Variants in TTLL11 observed in about 807,000 individuals in gnomAD.
The protein encoded by TTLL11 is tubulin polyglutamylase TTLL11.
A neutral mutation model predicts 51.7 loss-of-function variants in TTLL11; 42 were observed. The observed-to-expected ratio is 0.81, with a 90% CI of 0.64 to 1.05. The LOEUF is 1.05. TTLL11 is among the 50% of genes least tolerant of loss of function. The pLI is 0.00. For missense variants in TTLL11, 799 were observed against 940.4 expected (o/e 0.85, Z 1.97); for synonymous variants, 381 against 383.5 (o/e 0.99, Z 0.08).
chr9:122,000,805 T>C (rs1276072186), intron 3 of TTLL11, among the ~76,000 whole-genome samples: 1 of 152,218 alleles, frequency 6.6e-6, no homozygotes, highest in African/African-American at 2.4e-5. Flanking sequence ...GCATCCACTT[T>C]ACTTTACGGA....
intron 8 of TTLL11, among the ~76,000 whole-genome samples, chr9:121,837,657 C>T (rs974146339): frequency 6.6e-6 from 1 of 152,136 alleles, no homozygotes; most frequent in Non-Finnish European, 1.5e-5. Context: ...GGTTGAAAAG[C>T]CTGCCTTCCT....
At chr9:121,872,076 G>A (rs188370640) in intron 6 of TTLL11, among the ~76,000 whole-genome samples, 6 of 152,210 alleles carry the variant, frequency 3.9e-5, no homozygotes, top group African/African-American at 7.2e-5. Context: ...GTACTGAGAC[G>A]TGCTGCTGTT....
At chr9:121,859,261 C>A (rs1588075439) in intron 8 of TTLL11, among the ~76,000 whole-genome samples, 1 of 151,616 alleles carries the variant, frequency 6.6e-6, no homozygotes, top group East Asian at 1.9e-4. Flanking sequence ...GAAGTCAAGA[C>A]AGGCGGATCA....
chr9:121,878,636 A>G (rs1838658942), intron 6 of TTLL11, among the ~76,000 whole-genome samples: 1 of 152,148 alleles, frequency 6.6e-6, no homozygotes, highest in South Asian at 2.1e-4. Context: ...AACTCATGCT[A>G]TTTCAGAGCT....
intron 6 of TTLL11, among the ~76,000 whole-genome samples, chr9:121,932,928 GA>G: frequency 6.6e-6 from 1 of 152,202 alleles, no homozygotes; most frequent in East Asian, 1.9e-4. Context: ...TCCTGAGCAG[GA>G]AAAAACCACA....
intron 3 of TTLL11, among the ~76,000 whole-genome samples, chr9:122,006,431 A>G (rs892346296): frequency 6.6e-6 from 1 of 151,978 alleles, no homozygotes; most frequent in Non-Finnish European, 1.5e-5. Flanking sequence ...TTTCAGAAAC[A>G]TCACATCACT....
intron 4 of TTLL11, among the ~76,000 whole-genome samples, chr9:121,987,555 C>T (rs16911189): frequency 0.016 from 2,433 of 152,258 alleles, 47 homozygotes; most frequent in African/African-American, 0.055. Flanking sequence ...CTGGCTCCAT[C>T]GCTCTGCTGA....
intron 8 of TTLL11, among the ~76,000 whole-genome samples, chr9:121,858,758 G>A (rs1192827396): frequency 6.6e-6 from 1 of 152,250 alleles, no homozygotes; most frequent in Non-Finnish European, 1.5e-5. Context: ...CCACCCTGGA[G>A]AGCAGGGATT....
At chr9:121,899,396 T>TACATATAC (rs1564295513) in intron 6 of TTLL11, among the ~76,000 whole-genome samples, 4 of 139,452 alleles carry the variant, frequency 2.9e-5, no homozygotes, top group Non-Finnish European at 4.7e-5. Context: ...TATATATATA[T>TACATATAC]ATATATACAC....
Position 121,989,064 on chromosome 9 carries a change from G to C in TTLL11, c.1269+131C>G. On this transcript the variant is annotated intron_variant, in intron 4 of 8. Coordinates refer to ENST00000321582, the MANE Select transcript of TTLL11 (RefSeq NM_001139442.2). This position sits in a 1 kb window ranked among gnomAD's most constrained non-coding sequence, Gnocchi z 4.2. ...AGTTGGGCCCAGGTTTAACACCCAA[G>C]CCCACAGCACCACCAACACTGTCCC... 1 of 1,510,844 alleles carries C rather than the reference G, an allele frequency of 6.6e-7. No individual in the cohort carries two copies. The highest frequency in any genetic ancestry group is 8.8e-7 in the Non-Finnish European group (1 of 1,129,946). 93.6% of individuals were successfully genotyped at this position (1,510,844 alleles called of 1,614,324 possible).
intron 6 of TTLL11, among the ~76,000 whole-genome samples, chr9:121,949,205 C>T (rs1588147347): frequency 6.6e-6 from 1 of 152,100 alleles, no homozygotes; most frequent in African/African-American, 2.4e-5. Flanking sequence ...ATAGTTAATC[C>T]CTCCCTCATC....
intron 8 of TTLL11, among the ~76,000 whole-genome samples, chr9:121,829,686 C>G (rs557986245): frequency 3.2e-4 from 48 of 151,488 alleles, no homozygotes; most frequent in Non-Finnish European, 5.9e-4. Flanking sequence ...GAAGGCAGTG[C>G]TAGACTTATA....
intron 6 of TTLL11, among the ~76,000 whole-genome samples, chr9:121,945,091 G>A (rs948054486): frequency 2.0e-5 from 3 of 152,152 alleles, no homozygotes; most frequent in Non-Finnish European, 4.4e-5. Context: ...ATTAGAAACT[G>A]GTGCTCCCTA....
At chr9:121,876,339 CT>C (rs529953731) in intron 6 of TTLL11, among the ~76,000 whole-genome samples, 10 of 152,234 alleles carry the variant, frequency 6.6e-5, no homozygotes, top group Admixed American at 2.6e-4. Flanking sequence ...TAATTTCCAT[CT>C]CTAGTTAAAC....
chr9:121,885,089 C>T (rs934547013), intron 6 of TTLL11: 2 of 152,208 alleles, frequency 1.3e-5, no homozygotes, highest in Admixed American at 6.5e-5. Context: ...CACTCTTAGT[C>T]CTCGTGTAGC....
intron 6 of TTLL11, among the ~76,000 whole-genome samples, chr9:121,970,579 C>T (rs1842520458): frequency 6.6e-6 from 1 of 152,094 alleles, no homozygotes; most frequent in African/African-American, 2.4e-5. Flanking sequence ...ATTTACGCAT[C>T]CAACAAAGAT....
intron 6 of TTLL11, among the ~76,000 whole-genome samples, chr9:121,877,693 C>T (rs991018742): frequency 3.3e-5 from 5 of 152,202 alleles, no homozygotes; most frequent in Non-Finnish European, 5.9e-5. Context: ...GTGCCAGGAA[C>T]TGCAATTTAA....
Position 121,836,679 on chromosome 9 carries a change from C to G in TTLL11, c.1841-13800G>C, listed in dbSNP as rs571093220. The stretch of plus-strand genomic sequence containing the variant: ...ATGTGCAGATTCACAGATGGGCAAG[C>G]CTCCTCTGATGCAGGGCAGGGAGAA... On this transcript the variant is annotated intron_variant, in intron 8 of 8. Coordinates refer to ENST00000321582, the MANE Select transcript of TTLL11 (RefSeq NM_001139442.2). Among the ~76,000 whole-genome samples, 14 of 152,320 alleles carry G rather than the reference C, an allele frequency of 9.2e-5. No homozygotes were observed. In the South Asian group the frequency reaches 2.9e-3, roughly 32 times the overall value.
intron 6 of TTLL11, among the ~76,000 whole-genome samples, chr9:121,940,340 TCTC>T: frequency 1.5e-5 from 2 of 135,716 alleles, no homozygotes; most frequent in South Asian, 2.3e-4. Context: ...TATAACTTTC[TCTC>T]TTTTTTTTTT....
Sources: gnomAD v4.1 joint callset for allele counts (sites outside exome capture counted in the v4.1 genomes callset) on GRCh38, gnomAD v4.1.1 for gene constraint, Gnocchi (gnomAD v3.1) non-coding constraint, MANE v1.5 for transcripts, NCBI Gene and HGNC (gene_info 2026-07-23, HGNC 2026-07-21) for gene names.